The following NUDT14 variants were observed in gnomAD, a reference collection of about 807,000 sequenced individuals.
NUDT14 encodes the protein uridine diphosphate glucose pyrophosphatase NUDT14.
NUDT14 carries 22 observed loss-of-function variants against 17.5 expected under a neutral mutation model. The observed-to-expected ratio is 1.26, with a 90% CI of 0.90 to 1.80. NUDT14 has a LOEUF of 1.80. NUDT14 is among the 40% of genes most tolerant of loss of function. The pLI is 0.00. For missense variants in NUDT14, 296 were observed against 295.6 expected, an observed-to-expected ratio of 1.00 and a Z score of -0.01; for synonymous variants, 129 against 125.8, an observed-to-expected ratio of 1.03 and a Z score of -0.17.
chr14:105,175,453 C>G (rs1354720630), intron 4 of NUDT14: 1 of 27,240 alleles, frequency 3.7e-5, no homozygotes, highest in Non-Finnish European at 1.0e-4. Context: ...TCACCGCAAC[C>G]TCCGCCTCCT....
Position 105,173,779 on chromosome 14 carries a change from C to G in NUDT14, c.429-518G>C, listed in dbSNP as rs1889156190. ...CCCAAGCCCCCATGAGATTGCAGAT[C>G]CGGCTGACAACCTGCCTGCAACCTG... On this transcript the variant is annotated intron_variant, in intron 4 of 4. Coordinates refer to ENST00000392568, the MANE Select transcript of NUDT14 (RefSeq NM_177533.5). The surrounding 1 kb of genome is among the most constrained non-coding windows in gnomAD (Gnocchi z 4.7). 1 of 151,638 alleles carries G rather than the reference C, an allele frequency of 6.6e-6. No homozygotes were observed. Among genetic ancestry groups the G allele is most frequent in the Non-Finnish European group, 1.5e-5 (1 of 68,014 alleles). The allele number at this position is 151,638 out of a possible 1,614,324, so 9.4% of individuals were successfully genotyped here.
Position 105,181,065 on chromosome 14 carries a change from C to T in NUDT14, c.81+64G>A. On this transcript the variant is annotated intron_variant, in intron 1 of 4. Transcript: ENST00000392568. The surrounding 1 kb of genome is among the most constrained non-coding windows in gnomAD (Gnocchi z 5.0). ...GGCCGGCAGCGCGGAAGATGGTGGG[C>T]GGGGCGCGGGTCGTGGGCCGGGCCG... 4.5e-6 allele frequency: 2 copies of T among 440,798 alleles called. No individual in the cohort carries two copies. The highest frequency in any genetic ancestry group is 6.1e-6 in the Non-Finnish European group (2 of 327,340). 27.3% of individuals were successfully genotyped at this position (440,798 alleles called of 1,614,324 possible).
At chr14:105,174,534 C>T (rs1370683445) in intron 4 of NUDT14, among the ~76,000 whole-genome samples, 2 of 152,136 alleles carry the variant, frequency 1.3e-5, no homozygotes, top group Non-Finnish European at 2.9e-5. Context: ...GGCCTCCCCA[C>T]CTCCGGGGGG....
intron 4 of NUDT14, chr14:105,175,920 T>G (rs951553868): frequency 1.6e-6 from 2 of 1,225,822 alleles, no homozygotes; most frequent in Admixed American, 2.6e-5. Flanking sequence ...CTGGTGGGGG[T>G]GGGGGTCTGT....
At position 105,172,959 on chromosome 14, in the gene NUDT14, T is replaced by C. The variant is rs762510869; in HGVS notation, c.*62A>G. The C allele has an allele frequency of 8.4e-6, 12 of 1,429,560 alleles. No individual in the cohort carries two copies. Among genetic ancestry groups the C allele is most frequent in the African/African-American group, 2.9e-5 (2 of 69,156 alleles). 88.6% of individuals were successfully genotyped at this position (1,429,560 alleles called of 1,614,324 possible). A position where few individuals can be genotyped will look rare whatever the true frequency, so the allele number is the denominator to read the frequency against. On this transcript the variant is annotated 3_prime_UTR_variant, in exon 5 of 5. Transcript: ENST00000392568. ...GAAGCTGGAGCTATGCAAGCCTTTATTGGGGTCCGCGGGGTGTGGGGTGAG... is the reference window on the plus strand; with the variant it reads ...GAAGCTGGAGCTATGCAAGCCTTTACTGGGGTCCGCGGGGTGTGGGGTGAG...
In NUDT14 at chr14:105,173,879, T is replaced by C. The variant is rs956844607; in HGVS notation, c.429-618A>G. ...ACCCTGAGGCTGTTCCCAGTGCTGT[T>C]TGGAGCCCCTCAGTCTGTGGCCAGC... is the stretch of plus-strand genomic sequence containing the variant. On this transcript the variant is annotated intron_variant, in intron 4 of 4. Transcript: ENST00000392568. This position sits in a 1 kb window ranked among gnomAD's most constrained non-coding sequence, Gnocchi z 4.7. Among the ~76,000 whole-genome samples, 1 of 151,818 alleles carries C rather than the reference T, an allele frequency of 6.6e-6. No homozygotes were observed. The highest frequency in any genetic ancestry group is 2.4e-5 in the African/African-American group (1 of 41,328).
At chr14:105,175,901 G>T in intron 4 of NUDT14, 1 of 1,194,318 alleles carries the variant, frequency 8.4e-7, no homozygotes, top group Non-Finnish European at 1.1e-6. Context: ...TGTGGAGGCT[G>T]GTGCTCAGCT....
intron 2 of NUDT14, chr14:105,177,416 G>C: frequency 1.8e-6 from 1 of 552,800 alleles, no homozygotes; most frequent in Non-Finnish European, 3.3e-6. Context: ...TGGATGCTAG[G>C]GGCAAAGGCT....
At chr14:105,180,724 G>T (rs1889308026) in intron 1 of NUDT14, among the ~76,000 whole-genome samples, 1 of 152,082 alleles carries the variant, frequency 6.6e-6, no homozygotes, top group South Asian at 2.1e-4. Flanking sequence ...CGGCCTCTGC[G>T]CTCCTTGCTC....
At chr14:105,177,235 G>A in intron 2 of NUDT14, 1 of 653,604 alleles carries the variant, frequency 1.5e-6, no homozygotes, top group African/African-American at 1.8e-5. Flanking sequence ...CAGACCTGCT[G>A]TATTCCAGCT....
At chr14:105,174,168 G>A (rs1889164102) in intron 4 of NUDT14, among the ~76,000 whole-genome samples, 1 of 152,168 alleles carries the variant, frequency 6.6e-6, no homozygotes, top group Non-Finnish European at 1.5e-5. Context: ...CCCTCAGTGG[G>A]CAGTGGCCAG....
chr14:105,175,945 TC>T, intron 4 of NUDT14: 1 of 1,259,292 alleles, frequency 7.9e-7, no homozygotes, highest in Non-Finnish European at 1.0e-6. Context: ...CCCTCCTCCT[TC>T]CCCAAGACCT....
intron 2 of NUDT14, 157 bp from the exon 3 acceptor site, chr14:105,177,184 G>A: frequency 1.4e-6 from 1 of 694,938 alleles, no homozygotes; most frequent in Non-Finnish European, 2.5e-6. Context: ...TGAGGCCCAG[G>A]CGGGACCAGA....
intron 3 of NUDT14, 59 bp from the exon 4 acceptor site, chr14:105,176,830 C>T: frequency 6.3e-7 from 1 of 1,576,990 alleles, no homozygotes; most frequent in East Asian, 2.2e-5. Context: ...TCCAGGTCAC[C>T]CACACAGCCA....
At chr14:105,174,985 C>T (rs886658499) in intron 4 of NUDT14, among the ~76,000 whole-genome samples, 9 of 152,230 alleles carry the variant, frequency 5.9e-5, no homozygotes, top group Non-Finnish European at 1.0e-4. Context: ...CCCTAGTCAG[C>T]AGCATCTCCA....
chr14:105,176,063 G>A (rs2141007062), intron 4 of NUDT14: 2 of 1,147,876 alleles, frequency 1.7e-6, no homozygotes, highest in African/African-American at 1.6e-5. Flanking sequence ...AGCCCTCGCG[G>A]GGCAAGAGTT....
At position 105,173,876 on chromosome 14, in the gene NUDT14, T is replaced by C. The variant is rs1889158401; in HGVS notation, c.429-615A>G. On this transcript the variant is annotated intron_variant, in intron 4 of 4. Coordinates refer to ENST00000392568, the MANE Select transcript of NUDT14 (RefSeq NM_177533.5). This position sits in a 1 kb window ranked among gnomAD's most constrained non-coding sequence, Gnocchi z 4.7. Reference sequence around the variant, plus strand: ...GATACCCTGAGGCTGTTCCCAGTGCTGTTTGGAGCCCCTCAGTCTGTGGCC... The same window carrying C: ...GATACCCTGAGGCTGTTCCCAGTGCCGTTTGGAGCCCCTCAGTCTGTGGCC... Among the ~76,000 whole-genome samples, 1 of 151,776 alleles carries C rather than the reference T, an allele frequency of 6.6e-6. No individual in the cohort carries two copies. Among genetic ancestry groups the C allele is most frequent in the Non-Finnish European group, 1.5e-5 (1 of 67,968 alleles).
At position 105,173,157 on chromosome 14, in the gene NUDT14, A is replaced by C; in HGVS notation, c.533T>G (p.Leu178Arg). ...CAGGGGCAGGTGCACCACCTCAATG[A>C]GCTCACCCTCCTCCACCAGGCCCCC... ...PGGGLVEEGE[L>R]IEVVHLPLEG... is the part of the protein sequence containing the mutation. The change falls in exon 5 of 5, where the codon CTC becomes CGC. Residue 178 changes from leucine to arginine, a missense_variant. Physicochemically the swap from Leu to Arg is moderately radical, Grantham distance 102 (BLOSUM62 -2). Coordinates refer to ENST00000392568, the MANE Select transcript of NUDT14 (RefSeq NM_177533.5). The surrounding 1 kb of genome is among the most constrained non-coding windows in gnomAD (Gnocchi z 4.7). The C allele has an allele frequency of 1.9e-6, 3 of 1,610,270 alleles. No individual in the cohort carries two copies. Among genetic ancestry groups the C allele is most frequent in the Non-Finnish European group, 2.5e-6 (3 of 1,178,994 alleles).
rs754909901 is a variant in NUDT14 at position 105,173,107 on chromosome 14, C to T, written c.583G>A (p.Asp195Asn). ...CCGAGGGTCTTGGGGATGTCCGGGT[C>T]GTCTGCAAAGGCCTGGGCGCCTTCC... ...PLEGAQAFADDPDIPKTLGVI... is the reference protein window; with the variant it reads ...PLEGAQAFADNPDIPKTLGVI... Residue 195 changes from aspartate (D) to asparagine (N), a missense_variant, in exon 5 of 5, where the codon GAC (aspartate) becomes AAC (asparagine). Asp to Asn is a conservative substitution (Grantham distance 23). Transcript: ENST00000392568. This position sits in a 1 kb window ranked among gnomAD's most constrained non-coding sequence, Gnocchi z 4.7. The T allele has an allele frequency of 2.6e-5, 41 of 1,591,472 alleles. 1 individual carries two copies. Among genetic ancestry groups the T allele is most frequent in the African/African-American group, 1.1e-4 (8 of 74,018 alleles).
Sources: gnomAD v4.1 joint callset for allele counts (sites outside exome capture counted in the v4.1 genomes callset) on GRCh38, gnomAD v4.1.1 for gene constraint, Gnocchi (gnomAD v3.1) non-coding constraint, MANE v1.5 for transcripts, NCBI Gene and HGNC (gene_info 2026-07-23, HGNC 2026-07-21) for gene names.